Variants in GTF2F1 observed in about 807,000 individuals in gnomAD.
GTF2F1 encodes the protein general transcription factor IIF 74 kDa subunit.
GTF2F1 carries 39 observed loss-of-function variants against 63.5 expected under a neutral mutation model. The ratio of observed to expected loss-of-function variants is 0.61; its 90% CI spans 0.48 to 0.80. The LOEUF (loss-of-function observed/expected upper bound fraction) is 0.80, where lower values mean the gene tolerates loss of function less well. Among genes scored for constraint, GTF2F1 ranks in the 30% least tolerant of loss-of-function variants. The pLI is 0.00. For synonymous variants in GTF2F1, 287 were observed against 285.3 expected (o/e 1.01, Z -0.06); for missense variants, 657 against 718.3 (o/e 0.91, Z 0.97).
At chr19:6,386,015 G>A (rs2091972537) in intron 5 of GTF2F1, among the ~76,000 whole-genome samples, 1 of 152,052 alleles carries the variant, frequency 6.6e-6, no homozygotes, top group Non-Finnish European at 1.5e-5. Context: ...GGCGGAGCTT[G>A]CAGTGAGCTG....
intron 2 of GTF2F1, among the ~76,000 whole-genome samples, 199 bp downstream of exon 2, chr19:6,392,658 T>C (rs1206337642): frequency 6.6e-6 from 1 of 152,240 alleles, no homozygotes; most frequent in Non-Finnish European, 1.5e-5. Flanking sequence ...CGTGTATTAA[T>C]GCACTCATTC....
At chr19:6,390,821 A>T (rs548061382) in intron 3 of GTF2F1, among the ~76,000 whole-genome samples, 11 of 152,192 alleles carry the variant, frequency 7.2e-5, no homozygotes, top group Non-Finnish European at 1.3e-4. Flanking sequence ...TGGAGGTTGC[A>T]GTGAGCCCAG....
In GTF2F1 at chr19:6,392,986, G is replaced by A. The variant is rs201814326; in HGVS notation, c.10C>T (p.Leu4=). MAA[L]GPSSQNVTEY... is the part of the protein sequence containing the mutation. ...AACCCCGCCAAATCCACACTCACTA[G>A]GGCCGCCATGGGCAATGGTCAGTGG... The change falls in exon 1 of 13, where the codon CTA becomes TTA. Residue 4 remains leucine (L), a splice_region_variant and synonymous_variant. Transcript: ENST00000394456. 1.2e-4 allele frequency: 191 copies of A among 1,614,172 alleles called. No individual in the cohort carries two copies. The highest frequency in any genetic ancestry group is 1.5e-4 in the Non-Finnish European group (182 of 1,180,044).
At chr19:6,388,464 T>C (rs530407378) in intron 4 of GTF2F1, among the ~76,000 whole-genome samples, 1 of 152,320 alleles carries the variant, frequency 6.6e-6, no homozygotes, top group African/African-American at 2.4e-5. Context: ...ATCACCCAAC[T>C]GCTGTGCCTG....
chr19:6,392,776 A>C lies in GTF2F1; in HGVS notation c.59+81T>G, dbSNP rs573949578. The C allele has an allele frequency of 1.4e-5, 19 of 1,404,722 alleles. No homozygotes were observed. The African/African-American group carries it at 2.5e-4, about 19-fold the overall frequency. The allele number at this position is 1,404,722 out of a possible 1,614,324, so 87.0% of individuals were successfully genotyped here. A position where few individuals can be genotyped will look rare whatever the true frequency, so the allele number is the denominator to read the frequency against. ...TGGAGGGAGAACCACAGACAGGGCCAGAAATGGCTGGCTAAGAAGATCGTG... is the reference window on the plus strand; with the variant it reads ...TGGAGGGAGAACCACAGACAGGGCCCGAAATGGCTGGCTAAGAAGATCGTG... On this transcript the variant is annotated intron_variant, in intron 2 of 12. Coordinates refer to ENST00000394456, the MANE Select transcript of GTF2F1 (RefSeq NM_002096.3).
In GTF2F1 at chr19:6,381,650, C is replaced by A. The variant is rs376228766; in HGVS notation, c.837-35G>T. ...GGGGATGGCAAAGGATGAGCGCGCG[C>A]TCGCGAGGCTGCATGGGGTCTCGCA... is the stretch of plus-strand genomic sequence containing the variant. On this transcript the variant is annotated intron_variant, in intron 7 of 12. Transcript: ENST00000394456. The surrounding 1 kb of genome is among the most constrained non-coding windows in gnomAD (Gnocchi z 4.1). 22 of 1,613,928 alleles carry A rather than the reference C, an allele frequency of 1.4e-5. No individual in the cohort carries two copies. The Admixed American group carries it at 3.7e-4, about 27-fold the overall frequency.
Position 6,381,906 on chromosome 19 carries a change from AT to A in GTF2F1, c.683-57del. On this transcript the variant is annotated intron_variant, in intron 6 of 12. Transcript: ENST00000394456. The surrounding 1 kb of genome is among the most constrained non-coding windows in gnomAD (Gnocchi z 4.1). ...GAAAGTGAGGAGGAAGGCAGTGGGT[AT>A]TTATTGTGTTTTTCACATTTTGTGC... 1 of 1,431,974 alleles carries A rather than the reference AT, an allele frequency of 7.0e-7. No individual in the cohort carries two copies. The highest frequency in any genetic ancestry group is 1.9e-4 in the Middle Eastern group (1 of 5,338). The allele number at this position is 1,431,974 out of a possible 1,614,324, so 88.7% of individuals were successfully genotyped here. A position where few individuals can be genotyped will look rare whatever the true frequency, so the allele number is the denominator to read the frequency against.
At position 6,383,231 on chromosome 19, in the gene GTF2F1, G is replaced by T; in HGVS notation, c.682+80C>A. 3 of 1,443,142 alleles carry T rather than the reference G, an allele frequency of 2.1e-6. No individual in the cohort carries two copies. The highest frequency in any genetic ancestry group is 1.2e-5 in the South Asian group (1 of 82,964). The allele number at this position is 1,443,142 out of a possible 1,614,324, so 89.4% of individuals were successfully genotyped here. ...TTGCCTCTCATTCTAGGGCCACTGTGAGCGATGGTAGACTTTGCCTTCACT... is the reference window on the plus strand; with the variant it reads ...TTGCCTCTCATTCTAGGGCCACTGTTAGCGATGGTAGACTTTGCCTTCACT... On this transcript the variant is annotated intron_variant, in intron 6 of 12. Transcript: ENST00000394456. The surrounding 1 kb of genome is among the most constrained non-coding windows in gnomAD (Gnocchi z 4.5).
Position 6,383,429 on chromosome 19 carries a change from G to A in GTF2F1, c.564C>T (p.Asp188=), listed in dbSNP as rs781160088. The change falls in exon 6 of 13, where the codon GAC becomes GAT. Residue 188 remains aspartate (D), a synonymous_variant. Transcript: ENST00000394456. The surrounding 1 kb of genome is among the most constrained non-coding windows in gnomAD (Gnocchi z 4.5). ...QQRRLKDQDQ[D]EDEEEKEKRG... ...GTTTCTCCTTCTCCTCCTCATCCTC[G>A]TCCTGGTCCTGATCCTTGAGCCGCC... The A allele has an allele frequency of 1.2e-5, 19 of 1,614,002 alleles. No individual in the cohort carries two copies. Among genetic ancestry groups the A allele is most frequent in the South Asian group, 1.1e-5 (1 of 91,092 alleles).
intron 6 of GTF2F1, among the ~76,000 whole-genome samples, chr19:6,382,117 A>G (rs1390276825): frequency 6.6e-6 from 1 of 152,096 alleles, no homozygotes; most frequent in Non-Finnish European, 1.5e-5. Flanking sequence ...CCAGGGACAC[A>G]GCCCCTACAG....
At position 6,381,228 on chromosome 19, in the gene GTF2F1, G is replaced by A; in HGVS notation, c.1019-33C>T. 1 of 1,585,858 alleles carries A rather than the reference G, an allele frequency of 6.3e-7. No individual in the cohort carries two copies. The highest frequency in any genetic ancestry group is 1.1e-5 in the South Asian group (1 of 87,866). On this transcript the variant is annotated intron_variant, in intron 9 of 12. Coordinates refer to ENST00000394456, the MANE Select transcript of GTF2F1 (RefSeq NM_002096.3). The surrounding 1 kb of genome is among the most constrained non-coding windows in gnomAD (Gnocchi z 4.1). The stretch of plus-strand genomic sequence containing the variant: ...GCACAGGAAAGGGGTCAGGGCCAGA[G>A]CAACCCCGGGACCCGGTGCCCACTG...
chr19:6,382,957 A>G (rs1345551136), intron 6 of GTF2F1, among the ~76,000 whole-genome samples: 1 of 151,956 alleles, frequency 6.6e-6, no homozygotes, highest in African/African-American at 2.4e-5. Flanking sequence ...GCTGGAGTCC[A>G]GTGGCGTGAT....
chr19:6,392,850 GACTT>G lies in GTF2F1; in HGVS notation c.59+3_59+6del, dbSNP rs1398150045. On this transcript the variant is annotated splice_donor_5th_base_variant and intron_variant, in intron 2 of 12. Transcript: ENST00000394456. ...GAGAGGAGTGGGAGATGGGGCTGGG[GACTT>G]ACTTAGGAACTCGAACGACGTATTC... 20 of 1,613,154 alleles carry G rather than the reference GACTT, an allele frequency of 1.2e-5. No homozygotes were observed. Among genetic ancestry groups the G allele is most frequent in the Admixed American group, 1.7e-5 (1 of 60,004 alleles).
In GTF2F1 at chr19:6,391,812, A is replaced by G. The variant is rs932987778; in HGVS notation, c.132+90T>C. The stretch of plus-strand genomic sequence containing the variant: ...GTGAGAAAATTAAGACTTAGTGACT[A>G]TGACAGTTAAGCAACTATCACAACC... On this transcript the variant is annotated intron_variant, in intron 3 of 12. Transcript: ENST00000394456. 10 of 666,182 alleles carry G rather than the reference A, an allele frequency of 1.5e-5. No individual in the cohort carries two copies. In the Admixed American group the frequency reaches 2.9e-4, roughly 20 times the overall value. 41.3% of individuals were successfully genotyped at this position (666,182 alleles called of 1,614,324 possible). A position where few individuals can be genotyped will look rare whatever the true frequency, so the allele number is the denominator to read the frequency against.
chr19:6,383,807 T>C lies in GTF2F1; in HGVS notation c.498-312A>G, dbSNP rs1040567409. 7.9e-5 allele frequency among the ~76,000 whole-genome samples: 12 copies of C among 152,144 alleles called. No homozygotes were observed. Among genetic ancestry groups the C allele is most frequent in the African/African-American group, 2.7e-4 (11 of 41,448 alleles). ...TTGCTATTTTTTATTATTATTTTTT[T>C]ATTTTCTGAGACAGAGTATCGCTCT... On this transcript the variant is annotated intron_variant, in intron 5 of 12. Transcript: ENST00000394456. The surrounding 1 kb of genome is among the most constrained non-coding windows in gnomAD (Gnocchi z 4.5).
rs760675173 is a variant in GTF2F1, at chr19:6,381,032, G to GTCT, written c.1100_1102dup (p.Lys367dup). ...CGGCTTCCGCTCTCTCTTGGGTGGC[G>GTCT]TCTTCTTCTTCTGCAGAGGTCAGGG... On this transcript the variant is annotated inframe_insertion, in exon 11 of 13. Transcript: ENST00000394456. This position sits in a 1 kb window ranked among gnomAD's most constrained non-coding sequence, Gnocchi z 4.1. 3.1e-6 allele frequency: 5 copies of GTCT among 1,611,636 alleles called. No individual in the cohort carries two copies. In the East Asian group the frequency reaches 8.9e-5, roughly 29 times the overall value.
At position 6,381,108 on chromosome 19, in the gene GTF2F1, G is replaced by A. The variant is rs754380951; in HGVS notation, c.1092+14C>T. 2.5e-5 allele frequency: 40 copies of A among 1,610,230 alleles called. No individual in the cohort carries two copies. Among genetic ancestry groups the A allele is most frequent in the South Asian group, 1.2e-4 (11 of 90,450 alleles). On this transcript the variant is annotated intron_variant, in intron 10 of 12. Transcript: ENST00000394456. The surrounding 1 kb of genome is among the most constrained non-coding windows in gnomAD (Gnocchi z 4.1). ...AGACGCCCAGGCCTCCCCCGCCACC[G>A]GGCTGGGCCTTACCGCCATGAAGAG... is the stretch of plus-strand genomic sequence containing the variant.
intron 5 of GTF2F1, among the ~76,000 whole-genome samples, chr19:6,384,541 T>C (rs150541275): frequency 2.2e-4 from 33 of 149,690 alleles, no homozygotes; most frequent in African/African-American, 7.9e-4. Context: ...TTAATAGGAA[T>C]GCATCTAACA....
In GTF2F1 at chr19:6,393,082, G is replaced by T. The variant is rs1490474001; in HGVS notation, c.-87C>A. The T allele has an allele frequency of 3.2e-6, 5 of 1,556,032 alleles. No homozygotes were observed. In the Admixed American group the frequency reaches 6.8e-5, roughly 21 times the overall value. On this transcript the variant is annotated 5_prime_UTR_variant, in exon 1 of 13. Transcript: ENST00000394456. ...CGCGTCCCTCGATCCCGGGGAAGCC[G>T]CCGCTCGGTGTCGGGTCTCTGTGCC...
Sources: allele counts gnomAD v4.1 joint callset (sites outside exome capture counted in the v4.1 genomes callset), GRCh38; gene constraint gnomAD v4.1.1; non-coding constraint Gnocchi (gnomAD v3.1); transcripts MANE v1.5; gene names NCBI Gene and HGNC (gene_info 2026-07-23, HGNC 2026-07-21).